ZNF804B: variants seen among roughly 807,000 people sequenced by gnomAD.
ZNF804B encodes the protein zinc finger protein 804B, also known as zinc finger 804B.
ZNF804B carries 80 observed loss-of-function variants against 101.4 expected under a neutral mutation model. The ratio of observed to expected loss-of-function variants is 0.79; its 90% CI spans 0.66 to 0.95. The LOEUF is 0.95. Among genes scored for constraint, ZNF804B ranks in the 40% least tolerant of loss-of-function variants. The pLI is 0.00. For synonymous variants in ZNF804B, 622 were observed against 558.8 expected, an observed-to-expected ratio of 1.11 and a Z score of -1.59; for missense variants, 1,673 against 1,561.9, an observed-to-expected ratio of 1.07 and a Z score of -1.20.
intron 1 of ZNF804B, among the ~76,000 whole-genome samples, chr7:88,803,244 C>G (rs1790635107): frequency 6.6e-6 from 1 of 152,030 alleles, no homozygotes; most frequent in South Asian, 2.1e-4. Context: ...CTAGGATAGT[C>G]TAGCCTGAGA....
At chr7:88,994,083 T>G (rs1044616183) in intron 1 of ZNF804B, among the ~76,000 whole-genome samples, 44 of 152,114 alleles carry the variant, frequency 2.9e-4, no homozygotes, top group African/African-American at 9.6e-4. Context: ...TTCTTCATCT[T>G]ACATACATTT....
chr7:88,846,935 T>TACAC (rs34253376), intron 1 of ZNF804B, among the ~76,000 whole-genome samples: 1,998 of 149,646 alleles, frequency 0.013, 42 homozygotes, highest in African/African-American at 0.044. Flanking sequence ...TAAATGTGTA[T>TACAC]ACACACACAC....
chr7:89,219,598 G>A (rs563573330), intron 2 of ZNF804B, among the ~76,000 whole-genome samples: 4 of 151,564 alleles, frequency 2.6e-5, no homozygotes. Context: ...GCTGATTGAG[G>A]TATGGCGATA....
intron 1 of ZNF804B, among the ~76,000 whole-genome samples, chr7:88,899,519 A>G (rs1792357620): frequency 6.6e-6 from 1 of 152,108 alleles, no homozygotes; most frequent in East Asian, 1.9e-4. Context: ...CTCACCTCTC[A>G]CTTAAGAATT....
intron 2 of ZNF804B, among the ~76,000 whole-genome samples, chr7:89,291,398 C>A (rs142849494): frequency 2.6e-5 from 4 of 152,168 alleles, no homozygotes; most frequent in African/African-American, 9.6e-5. Context: ...AGAAGGAATT[C>A]AGAATTCTAT....
At chr7:89,022,979 G>C (rs1272373176) in intron 1 of ZNF804B, among the ~76,000 whole-genome samples, 1 of 152,076 alleles carries the variant, frequency 6.6e-6, no homozygotes, top group Non-Finnish European at 1.5e-5. Flanking sequence ...ACTTTCACAG[G>C]ATTTTGTCAT....
At chr7:88,856,592 C>A (rs1791563109) in intron 1 of ZNF804B, among the ~76,000 whole-genome samples, 2 of 152,044 alleles carry the variant, frequency 1.3e-5, no homozygotes, top group South Asian at 4.2e-4. Flanking sequence ...ATTGAATACC[C>A]TTTGTTTTCT....
intron 1 of ZNF804B, among the ~76,000 whole-genome samples, chr7:88,766,858 C>A (rs1052257738): frequency 2.0e-5 from 3 of 152,154 alleles, no homozygotes; most frequent in Non-Finnish European, 4.4e-5. Flanking sequence ...AGAGATTATT[C>A]AGTTTGTTCA....
chr7:89,238,439 A>G (rs1238632199), intron 2 of ZNF804B, among the ~76,000 whole-genome samples: 3 of 152,098 alleles, frequency 2.0e-5, no homozygotes, highest in East Asian at 1.9e-4. Context: ...GCAACTAGTA[A>G]TGTTCAAAAA....
chr7:89,214,531 C>T (rs1242070484), intron 1 of ZNF804B, among the ~76,000 whole-genome samples: 2 of 152,050 alleles, frequency 1.3e-5, no homozygotes, highest in African/African-American at 4.8e-5. Flanking sequence ...AGTAAATCGT[C>T]TTATTTACCT....
At chr7:88,789,597 T>C (rs1412184478) in intron 1 of ZNF804B, among the ~76,000 whole-genome samples, 1 of 152,132 alleles carries the variant, frequency 6.6e-6, no homozygotes, top group East Asian at 1.9e-4. Context: ...GCACTGTTTT[T>C]ACTACATACA....
At position 89,162,670 on chromosome 7, in the gene ZNF804B, A is replaced by AT. The variant is rs1791084734; in HGVS notation, c.109-55484dup. Among the ~76,000 whole-genome samples the AT allele has an allele frequency of 2.0e-5, 3 of 149,216 alleles. No individual in the cohort carries two copies. The Admixed American group carries it at 2.0e-4, about 10-fold the overall frequency. On this transcript the variant is annotated intron_variant, in intron 1 of 3. Transcript: ENST00000333190. ...ATATTCTTTTATTATTATTATTATTATACTTTAAGTTTTAGGGTACATGTG... is the reference window on the plus strand; with the variant it reads ...ATATTCTTTTATTATTATTATTATTATTACTTTAAGTTTTAGGGTACATGTG...
At chr7:89,246,777 G>A (rs543057932) in intron 2 of ZNF804B, among the ~76,000 whole-genome samples, 10 of 152,038 alleles carry the variant, frequency 6.6e-5, no homozygotes, top group Admixed American at 2.0e-4. Flanking sequence ...ATAGATTGTG[G>A]TGCAATAGGA....
At chr7:89,094,131 T>C (rs1789936130) in intron 1 of ZNF804B, among the ~76,000 whole-genome samples, 2 of 152,206 alleles carry the variant, frequency 1.3e-5, no homozygotes, top group Admixed American at 1.3e-4. Flanking sequence ...CGGCTAATAT[T>C]TATTGCAAGC....
At chr7:89,309,870 G>C (rs186239508) in intron 2 of ZNF804B, among the ~76,000 whole-genome samples, 73 of 149,930 alleles carry the variant, frequency 4.9e-4, no homozygotes, top group African/African-American at 1.7e-3. Flanking sequence ...TTTTAGTAGG[G>C]CAGACAATGC....
chr7:88,965,677 T>A (rs1418014948), intron 1 of ZNF804B, among the ~76,000 whole-genome samples: 1 of 151,542 alleles, frequency 6.6e-6, no homozygotes, highest in Admixed American at 6.6e-5. Context: ...CACTCTACAA[T>A]TCCCTAAGTT....
At chr7:89,233,385 C>G (rs1789228739) in intron 2 of ZNF804B, among the ~76,000 whole-genome samples, 2 of 151,894 alleles carry the variant, frequency 1.3e-5, no homozygotes, top group Admixed American at 1.3e-4. Flanking sequence ...GAAAGTAACT[C>G]TGAACAGAAA....
At chr7:88,767,702 T>C (rs536625065) in intron 1 of ZNF804B, among the ~76,000 whole-genome samples, 8 of 152,334 alleles carry the variant, frequency 5.3e-5, no homozygotes, top group East Asian at 1.9e-4. Flanking sequence ...CCTTGAATAA[T>C]ATTTTAAGTG....
intron 1 of ZNF804B, among the ~76,000 whole-genome samples, chr7:88,843,907 C>T (rs972501853): frequency 5.3e-5 from 8 of 151,946 alleles, no homozygotes; most frequent in African/African-American, 1.9e-4. Context: ...AAAATAAACT[C>T]TTTTAACAAT....
Sources: gnomAD v4.1 joint callset for allele counts (sites outside exome capture counted in the v4.1 genomes callset) on GRCh38, gnomAD v4.1.1 for gene constraint, MANE v1.5 for transcripts, NCBI Gene and HGNC (gene_info 2026-07-23, HGNC 2026-07-21) for gene names.